Variants in AUTS2 observed in about 807,000 individuals in gnomAD.
The protein encoded by AUTS2 is activator of transcription and developmental regulator AUTS2, also known as autism susceptibility gene 2 protein.
Under a neutral mutation model 112.4 loss-of-function variants are expected in AUTS2, and 17 were observed. The observed-to-expected ratio is 0.15, with a 90% confidence interval of 0.10 to 0.23. AUTS2 has a LOEUF of 0.23. AUTS2 is among the 10% of genes least tolerant of loss of function. The pLI, the probability that AUTS2 is intolerant of heterozygous loss-of-function variation, is 1.00. For synonymous variants in AUTS2, 751 were observed against 702.7 expected, an observed-to-expected ratio of 1.07 and a Z score of -1.09; for missense variants, 1,510 against 1,701.6, an observed-to-expected ratio of 0.89 and a Z score of 1.98.
chr7:70,574,146 T>C (rs1802063361), intron 5 of AUTS2, among the ~76,000 whole-genome samples: 1 of 152,120 alleles, frequency 6.6e-6, no homozygotes, highest in South Asian at 2.1e-4. Context: ...CAACAAAGTC[T>C]TTACCATCTG....
At chr7:70,235,066 A>G (rs1417211214) in intron 4 of AUTS2, among the ~76,000 whole-genome samples, 1 of 152,176 alleles carries the variant, frequency 6.6e-6, no homozygotes, top group Admixed American at 6.5e-5. Context: ...ACGGTTTAAT[A>G]TACTAAAATG....
intron 5 of AUTS2, among the ~76,000 whole-genome samples, chr7:70,582,335 G>T (rs190814476): frequency 3.3e-5 from 5 of 152,252 alleles, no homozygotes; most frequent in Admixed American, 3.3e-4. Flanking sequence ...TCCACGTCAA[G>T]CTGAGTATAC....
intron 1 of AUTS2, among the ~76,000 whole-genome samples, chr7:69,629,876 G>A (rs1383306864): frequency 6.6e-6 from 1 of 151,982 alleles, no homozygotes; most frequent in African/African-American, 2.4e-5. Context: ...TATGAGAAAG[G>A]GAACAGGATT....
At chr7:69,639,188 T>A (rs1470953236) in intron 1 of AUTS2, among the ~76,000 whole-genome samples, 2 of 152,262 alleles carry the variant, frequency 1.3e-5, no homozygotes, top group African/African-American at 4.8e-5. Flanking sequence ...TATTTCATAG[T>A]ACATCTCTTT....
chr7:69,913,294 G>A (rs1795438198), intron 2 of AUTS2, among the ~76,000 whole-genome samples: 1 of 152,122 alleles, frequency 6.6e-6, no homozygotes, highest in East Asian at 1.9e-4. Context: ...TATAACAAGG[G>A]TCACCCCAGA....
At chr7:69,985,857 G>T (rs1235252742) in intron 2 of AUTS2, among the ~76,000 whole-genome samples, 4 of 152,068 alleles carry the variant, frequency 2.6e-5, no homozygotes, top group Admixed American at 2.6e-4. Context: ...CTCGGTTCAA[G>T]TGATCCTCCA....
At chr7:70,025,855 G>C (rs1800497595) in intron 2 of AUTS2, among the ~76,000 whole-genome samples, 1 of 151,188 alleles carries the variant, frequency 6.6e-6, no homozygotes, top group Non-Finnish European at 1.5e-5. Flanking sequence ...ACACAGTGGA[G>C]AGCTTATTGT....
chr7:70,379,011 A>T (rs564576140), intron 4 of AUTS2, among the ~76,000 whole-genome samples: 2 of 152,134 alleles, frequency 1.3e-5, no homozygotes, highest in Admixed American at 1.3e-4. Context: ...TCCAATTCTT[A>T]TTAAGACTAG....
At chr7:70,104,433 C>T (rs1183263600) in intron 2 of AUTS2, among the ~76,000 whole-genome samples, 9 of 152,124 alleles carry the variant, frequency 5.9e-5, no homozygotes. Flanking sequence ...GTTGTTAATT[C>T]TCTACTTCAC....
chr7:69,875,566 T>C (rs534736825), intron 1 of AUTS2, among the ~76,000 whole-genome samples: 2 of 152,008 alleles, frequency 1.3e-5, no homozygotes, highest in South Asian at 4.2e-4. Flanking sequence ...GTAGAGCCTG[T>C]GGGATGAAAA....
chr7:70,370,216 G>GT (rs1792776838), intron 4 of AUTS2, among the ~76,000 whole-genome samples: 1 of 152,118 alleles, frequency 6.6e-6, no homozygotes, highest in South Asian at 2.1e-4. Context: ...ACACTTCCAT[G>GT]TTTTTTAATA....
intron 4 of AUTS2, 134 bp downstream of exon 4, chr7:70,134,705 C>T (rs1275715971): frequency 3.5e-6 from 3 of 849,018 alleles, no homozygotes; most frequent in Non-Finnish European, 5.8e-6. Flanking sequence ...GATTTCCATT[C>T]TTTATTAGGA....
intron 2 of AUTS2, among the ~76,000 whole-genome samples, chr7:69,961,291 A>G (rs1313541931): frequency 2.6e-5 from 4 of 152,160 alleles, no homozygotes; most frequent in South Asian, 2.1e-4. Context: ...TGTAAAATGT[A>G]TAACTCCCTC....
chr7:70,148,325 C>T lies in AUTS2; in HGVS notation c.660+13754C>T, dbSNP rs193231279. 6.8e-3 allele frequency among the ~76,000 whole-genome samples: 1,039 copies of T among 152,056 alleles called. 4 individuals are homozygous for T. Among genetic ancestry groups the T allele is most frequent in the Admixed American group, 0.011 (171 of 15,252 alleles). On this transcript the variant is annotated intron_variant, in intron 4 of 18. Coordinates refer to ENST00000342771, the MANE Select transcript of AUTS2 (RefSeq NM_015570.4). ...CAGAATTGTTATGAGTTATAAATAG[C>T]TTAAGAAAAAAGAGAGCTTCCTTAT...
intron 5 of AUTS2, among the ~76,000 whole-genome samples, chr7:70,681,132 A>G (rs1307039390): frequency 6.6e-6 from 1 of 152,252 alleles, no homozygotes; most frequent in African/African-American, 2.4e-5. Context: ...CAGGGAGGGC[A>G]GCCCACCACA....
chr7:70,285,126 G>T (rs568519335), intron 4 of AUTS2, among the ~76,000 whole-genome samples: 18 of 152,174 alleles, frequency 1.2e-4, no homozygotes, highest in African/African-American at 4.3e-4. Flanking sequence ...TGGGCAAATG[G>T]GGTGATTTCT....
Position 70,444,750 on chromosome 7 carries a change from C to T in AUTS2, c.690+8969C>T, listed in dbSNP as rs540096512. Among the ~76,000 whole-genome samples the T allele has an allele frequency of 2.0e-5, 3 of 152,234 alleles. No homozygotes were observed. The South Asian group carries it at 6.2e-4, about 32-fold the overall frequency. ...CAAAGAAAGCTGGAAGCAGCTTTCT[C>T]CCTTGTTGTTCTAAACCAGGCTTGA... On this transcript the variant is annotated intron_variant, in intron 5 of 18. Coordinates refer to ENST00000342771, the MANE Select transcript of AUTS2 (RefSeq NM_015570.4).
intron 2 of AUTS2, among the ~76,000 whole-genome samples, chr7:69,974,968 T>G (rs920142204): frequency 6.6e-6 from 1 of 152,118 alleles, no homozygotes; most frequent in Non-Finnish European, 1.5e-5. Flanking sequence ...ATCCTTTCTT[T>G]TAGCTATTTT....
At chr7:69,801,570 G>A (rs779745387) in intron 1 of AUTS2, among the ~76,000 whole-genome samples, 7 of 151,594 alleles carry the variant, frequency 4.6e-5, no homozygotes, top group Non-Finnish European at 1.0e-4. Flanking sequence ...GTTTGTGTAT[G>A]TATAATAAAA....
Sources: allele counts gnomAD v4.1 joint callset (sites outside exome capture counted in the v4.1 genomes callset), GRCh38; gene constraint gnomAD v4.1.1; transcripts MANE v1.5; gene names NCBI Gene and HGNC (gene_info 2026-07-23, HGNC 2026-07-21).